The following SLC24A2 variants were observed in gnomAD, a reference collection of about 807,000 sequenced individuals.
SLC24A2 encodes the protein sodium/potassium/calcium exchanger 2.
A neutral mutation model predicts 62.0 loss-of-function variants in SLC24A2; 36 were observed. The observed-to-expected ratio is 0.58, with a 90% CI of 0.44 to 0.77. SLC24A2 has a LOEUF of 0.77. Ranked by LOEUF, SLC24A2 falls within the 30% of genes least tolerant of loss-of-function variation. The pLI, the probability that SLC24A2 is intolerant of heterozygous loss-of-function variation, is 0.00. For synonymous variants in SLC24A2, 358 were observed against 294.0 expected, an observed-to-expected ratio of 1.22 and a Z score of -2.23; for missense variants, 846 against 817.9, an observed-to-expected ratio of 1.03 and a Z score of -0.42.
chr9:19,653,412 T>C (rs994376825), intron 2 of SLC24A2, among the ~76,000 whole-genome samples: 5 of 152,212 alleles, frequency 3.3e-5, no homozygotes, highest in African/African-American at 4.8e-5. Flanking sequence ...TGACTCATGA[T>C]AGGTGCTCAA....
At chr9:20,223,848 C>G in the SLC24A2 span, among the ~76,000 whole-genome samples, 1 of 152,054 alleles carries the variant, frequency 6.6e-6, no homozygotes, top group African/African-American at 2.4e-5. Context: ...CTACCTGAGA[C>G]AGTAATTTAT....
intron 7 of SLC24A2, among the ~76,000 whole-genome samples, chr9:19,552,217 C>T (rs959893559): frequency 7.2e-5 from 11 of 152,334 alleles, no homozygotes; most frequent in African/African-American, 2.6e-4. Context: ...GGTCCCTCTT[C>T]TATGCCACCT....
the SLC24A2 span, among the ~76,000 whole-genome samples, chr9:19,989,822 G>T: frequency 6.6e-6 from 1 of 152,184 alleles, no homozygotes; most frequent in Non-Finnish European, 1.5e-5. Flanking sequence ...GTAACGATAA[G>T]TTCTTTCAAG....
the SLC24A2 span, among the ~76,000 whole-genome samples, chr9:20,246,311 A>C: frequency 6.6e-6 from 1 of 152,208 alleles, no homozygotes; most frequent in Non-Finnish European, 1.5e-5. Context: ...TGGTAAAGCA[A>C]AAATTTCCAT....
intron 2 of SLC24A2, among the ~76,000 whole-genome samples, chr9:19,622,688 A>G (rs1460477741): frequency 6.6e-6 from 1 of 152,234 alleles, no homozygotes; most frequent in Non-Finnish European, 1.5e-5. Flanking sequence ...ATAAATATTT[A>G]TTGTTTCATT....
Position 19,644,084 on chromosome 9 carries a change from G to C in SLC24A2, c.931-21785C>G, listed in dbSNP as rs543875920. The stretch of plus-strand genomic sequence containing the variant: ...TCCTGTTCACCTCAACATCTCAGTT[G>C]TGAACTTATAGCTTAGTGAGTAATA... On this transcript the variant is annotated intron_variant, in intron 2 of 10. Transcript: ENST00000341998. Among the ~76,000 whole-genome samples, 3 of 152,356 alleles carry C rather than the reference G, an allele frequency of 2.0e-5. No homozygotes were observed. The East Asian group carries it at 5.8e-4, about 29-fold the overall frequency.
At chr9:19,781,891 C>T (rs550766868) in intron 2 of SLC24A2, among the ~76,000 whole-genome samples, 1 of 152,326 alleles carries the variant, frequency 6.6e-6, no homozygotes, top group African/African-American at 2.4e-5. Flanking sequence ...ACAAGAACTA[C>T]TTCACTTTAT....
Position 19,730,771 on chromosome 9 carries a change from T to C in SLC24A2, c.930+55166A>G, listed in dbSNP as rs565064917. ...AATTTAAACATGCTTAAAATATTTT[T>C]CGATGCATATATTTTCTAAGCATAA... On this transcript the variant is annotated intron_variant, in intron 2 of 10. Coordinates refer to ENST00000341998, the MANE Select transcript of SLC24A2 (RefSeq NM_020344.4). 1.9e-4 allele frequency among the ~76,000 whole-genome samples: 29 copies of C among 152,288 alleles called. No homozygotes were observed. The South Asian group carries it at 5.0e-3, about 26-fold the overall frequency.
chr9:19,996,614 T>TG, the SLC24A2 span, among the ~76,000 whole-genome samples: 1 of 151,840 alleles, frequency 6.6e-6, no homozygotes, highest in African/African-American at 2.4e-5. Context: ...TGCTGGCAGG[T>TG]GCCTGGAATC....
At chr9:19,633,627 C>T (rs1818231963) in intron 2 of SLC24A2, among the ~76,000 whole-genome samples, 1 of 152,176 alleles carries the variant, frequency 6.6e-6, no homozygotes, top group Admixed American at 6.5e-5. Flanking sequence ...CCTGGGCCTC[C>T]CAAATCGCTG....
chr9:20,098,041 C>T, the SLC24A2 span, among the ~76,000 whole-genome samples: 26 of 151,690 alleles, frequency 1.7e-4, no homozygotes, highest in African/African-American at 5.8e-4. Context: ...GCGCCTGGCC[C>T]GAATCTTAAA....
intron 2 of SLC24A2, among the ~76,000 whole-genome samples, chr9:19,774,020 C>T (rs1174202613): frequency 6.6e-6 from 1 of 152,042 alleles, no homozygotes; most frequent in Non-Finnish European, 1.5e-5. Flanking sequence ...CATATGGCTG[C>T]AAGGGAGACA....
intron 1 of SLC24A2, chr9:19,788,616 G>T: frequency 8.1e-6 from 8 of 985,400 alleles, no homozygotes; most frequent in Non-Finnish European, 9.6e-6. Flanking sequence ...GGGAATGGAA[G>T]CGCCCCTCTG....
At chr9:20,136,579 T>C in the SLC24A2 span, among the ~76,000 whole-genome samples, 1 of 152,282 alleles carries the variant, frequency 6.6e-6, no homozygotes, top group East Asian at 1.9e-4. Flanking sequence ...CCAACATATT[T>C]ACCACTTTGC....
the SLC24A2 span, among the ~76,000 whole-genome samples, chr9:20,202,786 A>ATTACAAAG: frequency 6.6e-6 from 1 of 152,100 alleles, no homozygotes; most frequent in Non-Finnish European, 1.5e-5. Context: ...TTATAATAAA[A>ATTACAAAG]CCTCTTAAAC....
At chr9:20,237,661 C>A in the SLC24A2 span, among the ~76,000 whole-genome samples, 1 of 152,298 alleles carries the variant, frequency 6.6e-6, no homozygotes, top group Non-Finnish European at 1.5e-5. Flanking sequence ...ACTCACCTGG[C>A]ACTGGGAAGC....
the SLC24A2 span, among the ~76,000 whole-genome samples, chr9:20,093,363 C>T: frequency 5.3e-4 from 80 of 152,158 alleles, 4 homozygotes; most frequent in East Asian, 8.1e-3. Context: ...TGAACCACCA[C>T]GCCCGGCCTA....
chr9:19,551,446 C>G lies in SLC24A2; in HGVS notation c.1348-1178G>C, dbSNP rs1563957120. 2.0e-5 allele frequency among the ~76,000 whole-genome samples: 3 copies of G among 152,156 alleles called. No individual in the cohort carries two copies. In the South Asian group the frequency reaches 6.2e-4, roughly 32 times the overall value. ...CAGCAGGGGGTGACCGTTAGCCTGT[C>G]AGCTGAGCCCTCAATACTTCCAAAA... is the stretch of plus-strand genomic sequence containing the variant. On this transcript the variant is annotated intron_variant, in intron 7 of 10. Transcript: ENST00000341998.
In SLC24A2 at chr9:19,536,178, CTTTTT is replaced by C. The variant is rs945200479; in HGVS notation, c.1480-8045_1480-8041del. 4.1e-5 allele frequency among the ~76,000 whole-genome samples: 6 copies of C among 145,848 alleles called. No homozygotes were observed. The East Asian group carries it at 1.2e-3, about 29-fold the overall frequency. ...TTTTTATCTGATTCTAAGAAATTTT[CTTTTT>C]TTTTAATTTTTTATTTATTTATTTT... On this transcript the variant is annotated intron_variant, in intron 8 of 10. Transcript: ENST00000341998.
Sources: allele counts gnomAD v4.1 joint callset (sites outside exome capture counted in the v4.1 genomes callset), GRCh38; gene constraint gnomAD v4.1.1; transcripts MANE v1.5; gene names NCBI Gene and HGNC (gene_info 2026-07-23, HGNC 2026-07-21).